Variants in GRIK4 observed in about 807,000 individuals in gnomAD.
The protein encoded by GRIK4 is glutamate ionotropic receptor kainate type subunit 4, also known as glutamate receptor ionotropic, kainate 4.
A neutral mutation model predicts 104.9 loss-of-function variants in GRIK4; 40 were observed. The ratio of observed to expected loss-of-function variants is 0.38; its 90% CI spans 0.30 to 0.50. GRIK4 has a LOEUF of 0.50. Ranked by LOEUF, GRIK4 falls within the 20% of genes least tolerant of loss-of-function variation. The pLI is 0.93. For synonymous variants in GRIK4, 485 were observed against 524.9 expected (o/e 0.92, Z 1.04); for missense variants, 1,047 against 1,308.1 (o/e 0.80, Z 3.08).
At chr11:120,799,471 C>A (rs1952584393) in intron 3 of GRIK4, among the ~76,000 whole-genome samples, 1 of 152,164 alleles carries the variant, frequency 6.6e-6, no homozygotes. Flanking sequence ...TAGCGCACCC[C>A]CTGCTTCGCA....
rs538798480 is a variant in GRIK4, at chr11:120,831,839, C to G, written c.512-13C>G. ...TGTGGACCCTCAGGGGCTTCATCCTCTCTCCCCTCCAGGCCTTTTAAACCT... is the reference window on the plus strand; with the variant it reads ...TGTGGACCCTCAGGGGCTTCATCCTGTCTCCCCTCCAGGCCTTTTAAACCT... On this transcript the variant is annotated splice_polypyrimidine_tract_variant and intron_variant, in intron 6 of 20. Transcript: ENST00000527524. 2 of 1,606,036 alleles carry G rather than the reference C, an allele frequency of 1.2e-6. No homozygotes were observed. Among genetic ancestry groups the G allele is most frequent in the Admixed American group, 1.7e-5 (1 of 59,880 alleles).
At chr11:120,512,623 T>C (rs1947677104) in intron 1 of GRIK4, among the ~76,000 whole-genome samples, 1 of 133,144 alleles carries the variant, frequency 7.5e-6, no homozygotes, top group African/African-American at 2.7e-5. Context: ...AGACCTGCAA[T>C]GGGCGCGTGA....
chr11:120,787,284 G>A (rs1421784989), intron 3 of GRIK4, among the ~76,000 whole-genome samples: 1 of 151,962 alleles, frequency 6.6e-6, no homozygotes, highest in African/African-American at 2.4e-5. Flanking sequence ...AGCCAAGATC[G>A]CACCACTGCA....
chr11:120,953,080 G>T lies in GRIK4; in HGVS notation c.1700+116G>T. The T allele has an allele frequency of 7.3e-6, 5 of 685,402 alleles. No homozygotes were observed. The highest frequency in any genetic ancestry group is 1.3e-5 in the Non-Finnish European group (5 of 391,612). 42.5% of individuals were successfully genotyped at this position (685,402 alleles called of 1,614,324 possible). On this transcript the variant is annotated intron_variant, in intron 15 of 20. Transcript: ENST00000527524. The surrounding 1 kb of genome is among the most constrained non-coding windows in gnomAD (Gnocchi z 4.9). ...GGGAGGAGGAGTTGGGAAGATCTTG[G>T]TGCCAAACTAGAAGGACAGGAGAAG...
intron 4 of GRIK4, among the ~76,000 whole-genome samples, chr11:120,803,826 C>CTCAAGT (rs1434385900): frequency 2.6e-5 from 4 of 152,230 alleles, no homozygotes; most frequent in African/African-American, 7.2e-5. Context: ...TCAAGTCACA[C>CTCAAGT]ATATGGAGCC....
intron 13 of GRIK4, among the ~76,000 whole-genome samples, chr11:120,912,369 T>TG (rs1376303447): frequency 1.3e-5 from 2 of 151,982 alleles, no homozygotes; most frequent in Admixed American, 6.6e-5. Context: ...GGTGAATGGA[T>TG]GGGTGGGTGC....
chr11:120,876,142 A>C (rs1954783911), intron 11 of GRIK4, among the ~76,000 whole-genome samples: 1 of 150,442 alleles, frequency 6.6e-6, no homozygotes, highest in South Asian at 2.1e-4. Flanking sequence ...CATCACTGTC[A>C]TCATCACCAC....
rs1272686056 is a variant in GRIK4, at chr11:120,986,194, G to A, written c.2805G>A (p.Pro935=). Residue 935 remains proline, a synonymous_variant, in exon 21 of 21, where the codon CCG becomes CCA. Transcript: ENST00000527524. The stretch of plus-strand genomic sequence containing the variant: ...GCTTCCAGGGCCTGCGGGCACGGCC[G>A]TCGCCCGCCCGCAGCGAGGAGAGCC... ...CRRFQGLRAR[P]SPARSEESLE... 10 of 1,566,356 alleles carry A rather than the reference G, an allele frequency of 6.4e-6. No homozygotes were observed. Among genetic ancestry groups the A allele is most frequent in the East Asian group, 2.4e-5 (1 of 41,478 alleles).
At chr11:120,515,023 C>T (rs529082314) in intron 1 of GRIK4, 56 of 456,712 alleles carry the variant, frequency 1.2e-4, no homozygotes, top group Middle Eastern at 6.5e-4. Flanking sequence ...TCTCAGCAGC[C>T]GTCAGTGGCA....
In GRIK4 at chr11:120,524,876, C is replaced by T. The variant is rs147459572; in HGVS notation, c.-159+12989C>T. Among the ~76,000 whole-genome samples the T allele has an allele frequency of 2.9e-3, 445 of 152,260 alleles. 1 individual carries two copies. Among genetic ancestry groups the T allele is most frequent in the African/African-American group, 0.01 (432 of 41,542 alleles). On this transcript the variant is annotated intron_variant, in intron 1 of 20. Transcript: ENST00000527524. The surrounding 1 kb of genome is among the most constrained non-coding windows in gnomAD (Gnocchi z 4.5). ...GTGGCAGAGAGCCCCAGGAAGAGGT[C>T]GCCTTTGTGTGGGGATGACAGAGGT...
At chr11:120,796,921 G>A (rs910002858) in intron 3 of GRIK4, among the ~76,000 whole-genome samples, 8 of 152,008 alleles carry the variant, frequency 5.3e-5, no homozygotes, top group Non-Finnish European at 1.0e-4. Context: ...ATTGACACAA[G>A]CATGGGACAA....
At chr11:120,574,984 G>T (rs890886350) in intron 1 of GRIK4, among the ~76,000 whole-genome samples, 3 of 152,238 alleles carry the variant, frequency 2.0e-5, no homozygotes, top group African/African-American at 7.2e-5. Flanking sequence ...CTTCTGCAAA[G>T]AACTCCCTTC....
intron 11 of GRIK4, among the ~76,000 whole-genome samples, chr11:120,887,253 T>A (rs566887807): frequency 6.6e-6 from 1 of 152,322 alleles, no homozygotes; most frequent in South Asian, 2.1e-4. Flanking sequence ...AGTGGCCACC[T>A]GCCTCACCTT....
At chr11:120,615,548 T>A (rs1324835248) in intron 1 of GRIK4, among the ~76,000 whole-genome samples, 1 of 152,186 alleles carries the variant, frequency 6.6e-6, no homozygotes, top group Non-Finnish European at 1.5e-5. Flanking sequence ...CTGCCCGGGC[T>A]CTGGCTCTCT....
intron 11 of GRIK4, among the ~76,000 whole-genome samples, chr11:120,884,559 T>C (rs1475011307): frequency 1.3e-5 from 2 of 152,152 alleles, no homozygotes; most frequent in African/African-American, 4.8e-5. Context: ...CTCTCCTGCC[T>C]CTCTCCTTCC....
chr11:120,701,130 C>G (rs1238811682), intron 3 of GRIK4, among the ~76,000 whole-genome samples: 2 of 152,178 alleles, frequency 1.3e-5, no homozygotes, highest in African/African-American at 4.8e-5. Context: ...CAAAGCATTT[C>G]TCAGACCGTA....
intron 1 of GRIK4, among the ~76,000 whole-genome samples, chr11:120,652,741 T>C (rs1949637801): frequency 6.6e-6 from 1 of 151,964 alleles, no homozygotes; most frequent in African/African-American, 2.4e-5. Context: ...CAGAGACTGG[T>C]GGCTATCAGC....
chr11:120,649,704 T>C (rs1227292622), intron 1 of GRIK4, among the ~76,000 whole-genome samples: 1 of 152,174 alleles, frequency 6.6e-6, no homozygotes, highest in Non-Finnish European at 1.5e-5. Context: ...ACACACACCC[T>C]CACTCAAACA....
intron 3 of GRIK4, among the ~76,000 whole-genome samples, chr11:120,755,656 T>A (rs1002755178): frequency 1.3e-4 from 19 of 150,594 alleles, no homozygotes; most frequent in African/African-American, 1.2e-4. Flanking sequence ...ATAATAATAA[T>A]AATAATAAAA....
Sources: gnomAD v4.1 joint callset for allele counts (sites outside exome capture counted in the v4.1 genomes callset) on GRCh38, gnomAD v4.1.1 for gene constraint, Gnocchi (gnomAD v3.1) non-coding constraint, MANE v1.5 for transcripts, NCBI Gene and HGNC (gene_info 2026-07-23, HGNC 2026-07-21) for gene names.